Variants in CLYBL observed in about 807,000 individuals in gnomAD.
CLYBL encodes the protein citramalyl-CoA lyase, mitochondrial.
A neutral mutation model predicts 38.9 loss-of-function variants in CLYBL; 31 were observed. The ratio of observed to expected loss-of-function variants is 0.80; its 90% CI spans 0.60 to 1.08. The LOEUF (loss-of-function observed/expected upper bound fraction) is 1.08, where lower values mean the gene tolerates loss of function less well. CLYBL is among the 50% of genes least tolerant of loss of function. The pLI, the probability that CLYBL is intolerant of heterozygous loss-of-function variation, is 0.00. For missense variants in CLYBL, 434 were observed against 411.6 expected, an observed-to-expected ratio of 1.05 and a Z score of -0.47; for synonymous variants, 171 against 158.6, an observed-to-expected ratio of 1.08 and a Z score of -0.59.
At chr13:99,785,298 T>A (rs2049765451) in intron 2 of CLYBL, among the ~76,000 whole-genome samples, 1 of 132,524 alleles carries the variant, frequency 7.5e-6, no homozygotes, top group South Asian at 2.6e-4. Flanking sequence ...AGCCTCAACC[T>A]CCCAGGCTTA....
At chr13:99,660,083 C>T (rs1436923571) in intron 1 of CLYBL, among the ~76,000 whole-genome samples, 1 of 152,154 alleles carries the variant, frequency 6.6e-6, no homozygotes, top group African/African-American at 2.4e-5. Flanking sequence ...TACCAGACTC[C>T]TTAGGAGCTA....
intron 1 of CLYBL, among the ~76,000 whole-genome samples, chr13:99,705,074 C>T (rs542945982): frequency 6.6e-6 from 1 of 152,320 alleles, no homozygotes; most frequent in South Asian, 2.1e-4. Context: ...AGCAATTTTA[C>T]TTCCAAGCAT....
intron 1 of CLYBL, among the ~76,000 whole-genome samples, chr13:99,761,462 CGTAATGACCTCCA>C (rs1403289623): frequency 1.3e-5 from 2 of 152,304 alleles, no homozygotes; most frequent in East Asian, 3.9e-4. Flanking sequence ...TTTCACTTAA[CGTAATGACCTCCA>C]GTACAATCCA....
intron 2 of CLYBL, among the ~76,000 whole-genome samples, chr13:99,826,652 A>G (rs1387849290): frequency 6.6e-6 from 1 of 152,232 alleles, no homozygotes; most frequent in African/African-American, 2.4e-5. Context: ...TGATCTTGAA[A>G]TCTACTAAGC....
At chr13:99,632,758 A>G (rs2046963609) in intron 1 of CLYBL, among the ~76,000 whole-genome samples, 1 of 151,802 alleles carries the variant, frequency 6.6e-6, no homozygotes, top group Non-Finnish European at 1.5e-5. Context: ...AAAACAAAAC[A>G]AAAACAAAAA....
chr13:99,774,954 C>T (rs1282192821), intron 2 of CLYBL, among the ~76,000 whole-genome samples: 3 of 152,194 alleles, frequency 2.0e-5, no homozygotes, highest in Non-Finnish European at 4.4e-5. Flanking sequence ...ATTCACTTTA[C>T]TTCTTTGCCT....
In CLYBL at chr13:99,819,463, T is replaced by TAA. The variant is rs1175319229; in HGVS notation, c.250-39397_250-39396insAA. Among the ~76,000 whole-genome samples, 11 of 36,280 alleles carry TAA rather than the reference T, an allele frequency of 3.0e-4. 1 individual carries two copies. Among genetic ancestry groups the TAA allele is most frequent in the African/African-American group, 1.2e-3 (9 of 7,248 alleles). The allele number at this position is 36,280 out of a possible 152,430, so 23.8% of individuals were successfully genotyped here. A position where few individuals can be genotyped will look rare whatever the true frequency, so the allele number is the denominator to read the frequency against. ...ATATATATATATATATATATATATA[T>TAA]ATATAATATTTGTCAGGGTTGTCTG... On this transcript the variant is annotated intron_variant, in intron 2 of 8. Transcript: ENST00000339105.
chr13:99,777,199 A>T lies in CLYBL; in HGVS notation c.249+4189A>T, dbSNP rs201248328. On this transcript the variant is annotated intron_variant, in intron 2 of 8. Coordinates refer to ENST00000339105, the MANE Select transcript of CLYBL (RefSeq NM_206808.5). ...CCACGCCCAACCCAGTTCGTGAATTATACCATGAATGTGCTTATTCAGAAA... is the reference window on the plus strand; with the variant it reads ...CCACGCCCAACCCAGTTCGTGAATTTTACCATGAATGTGCTTATTCAGAAA... Among the ~76,000 whole-genome samples, 4 of 152,094 alleles carry T rather than the reference A, an allele frequency of 2.6e-5. No individual in the cohort carries two copies. The East Asian group carries it at 5.8e-4, about 22-fold the overall frequency.
chr13:99,614,174 T>C (rs1370069804), intron 1 of CLYBL, among the ~76,000 whole-genome samples: 1 of 151,958 alleles, frequency 6.6e-6, no homozygotes, highest in Non-Finnish European at 1.5e-5. Flanking sequence ...TGACAGAAGC[T>C]GGGAGAAAGA....
intron 1 of CLYBL, among the ~76,000 whole-genome samples, chr13:99,746,997 G>A (rs2048862148): frequency 6.6e-6 from 1 of 152,116 alleles, no homozygotes; most frequent in Non-Finnish European, 1.5e-5. Flanking sequence ...GTGAAGGAGC[G>A]CAGGTTTCCC....
chr13:99,828,549 T>G (rs2050743036), intron 2 of CLYBL, among the ~76,000 whole-genome samples: 1 of 152,218 alleles, frequency 6.6e-6, no homozygotes, highest in African/African-American at 2.4e-5. Flanking sequence ...AATGTCCTAT[T>G]TTGTAAAGAG....
intron 7 of CLYBL, among the ~76,000 whole-genome samples, chr13:99,884,242 C>T (rs1394841276): frequency 6.6e-6 from 1 of 152,124 alleles, no homozygotes; most frequent in Non-Finnish European, 1.5e-5. Flanking sequence ...ATCAGGGGCA[C>T]AGAGAGACAT....
In CLYBL at chr13:99,716,169, A is replaced by ATTTTTTTTTT. The variant is rs4001024; in HGVS notation, c.63-56626_63-56617dup. Among the ~76,000 whole-genome samples, 108 of 33,460 alleles carry ATTTTTTTTTT rather than the reference A, an allele frequency of 3.2e-3. 39 individuals carry two copies. Among genetic ancestry groups the ATTTTTTTTTT allele is most frequent in the Non-Finnish European group, 5.0e-3 (82 of 16,382 alleles). The allele number at this position is 33,460 out of a possible 152,430, so 22.0% of individuals were successfully genotyped here. A position where few individuals can be genotyped will look rare whatever the true frequency, so the allele number is the denominator to read the frequency against. On this transcript the variant is annotated intron_variant, in intron 1 of 8. Coordinates refer to ENST00000339105, the MANE Select transcript of CLYBL (RefSeq NM_206808.5). ...AAATTGTCCTTGCTTTATTGGTGTA[A>ATTTTTTTTTT]TTTTTTTTTTTTTTTTTTTTTTTTT...
chr13:99,634,228 C>T (rs1322335799), intron 1 of CLYBL, among the ~76,000 whole-genome samples: 1 of 152,182 alleles, frequency 6.6e-6, no homozygotes, highest in Admixed American at 6.5e-5. Flanking sequence ...GACAAAATAT[C>T]AACCCAGGGT....
intron 1 of CLYBL, among the ~76,000 whole-genome samples, chr13:99,734,572 C>T (rs940026426): frequency 6.6e-6 from 1 of 152,134 alleles, no homozygotes; most frequent in Admixed American, 6.5e-5. Flanking sequence ...ATAACCAGGG[C>T]CCATACACGG....
At chr13:99,806,474 A>T (rs1376748397) in intron 2 of CLYBL, among the ~76,000 whole-genome samples, 1 of 152,170 alleles carries the variant, frequency 6.6e-6, no homozygotes, top group Non-Finnish European at 1.5e-5. Flanking sequence ...CCCTAGAAGT[A>T]TTGCATTGTA....
chr13:99,655,831 A>G (rs928788724), intron 1 of CLYBL, among the ~76,000 whole-genome samples: 1 of 152,194 alleles, frequency 6.6e-6, no homozygotes, highest in Non-Finnish European at 1.5e-5. Flanking sequence ...ACCTAGGAAG[A>G]GATATTGATG....
chr13:99,711,790 A>G lies in CLYBL; in HGVS notation c.63-61034A>G, dbSNP rs573255552. On this transcript the variant is annotated intron_variant, in intron 1 of 8. Transcript: ENST00000339105. ...GAGTCCAGTGGTGCCATCTTGGCTC[A>G]CGGCAACCTTCACCTCCTGGGTTCA... 1.7e-4 allele frequency among the ~76,000 whole-genome samples: 25 copies of G among 146,296 alleles called. No homozygotes were observed. The East Asian group carries it at 5.2e-3, about 30-fold the overall frequency.
At chr13:99,781,047 T>C (rs1037301352) in intron 2 of CLYBL, among the ~76,000 whole-genome samples, 1 of 151,650 alleles carries the variant, frequency 6.6e-6, no homozygotes, top group Non-Finnish European at 1.5e-5. Flanking sequence ...TACTGACGAG[T>C]TTCACTTTAA....
Sources: gnomAD v4.1 joint callset for allele counts (sites outside exome capture counted in the v4.1 genomes callset) on GRCh38, gnomAD v4.1.1 for gene constraint, MANE v1.5 for transcripts, NCBI Gene and HGNC (gene_info 2026-07-23, HGNC 2026-07-21) for gene names.